The following CDKL5 variants were observed in gnomAD, a reference collection of about 807,000 sequenced individuals.
CDKL5 encodes the protein cyclin dependent kinase like 5, also known as cyclin-dependent kinase-like 5.
In CDKL5, 8 loss-of-function variants were observed where a neutral mutation model predicts 61.7. That is an observed-to-expected ratio of 0.13 (90% confidence interval 0.08 to 0.23). CDKL5 has a LOEUF of 0.23. CDKL5 is among the 10% of genes least tolerant of loss of function. CDKL5 has a pLI of 1.00. For missense variants in CDKL5, 440 were observed against 734.5 expected (o/e 0.60, Z 4.63); for synonymous variants, 275 against 272.3 (o/e 1.01, Z -0.10).
At chrX:18,456,872 T>C (rs1177329535) in intron 1 of CDKL5, among the ~76,000 whole-genome samples, 1 of 111,361 alleles carries the variant, frequency 9.0e-6, no homozygotes, top group Non-Finnish European at 1.9e-5. Flanking sequence ...TTGCCCTTGG[T>C]GTAATGCGTT....
At chrX:18,599,573 C>A (rs1415928948) in intron 11 of CDKL5, among the ~76,000 whole-genome samples, 1 of 111,544 alleles carries the variant, frequency 9.0e-6, no homozygotes, top group Non-Finnish European at 1.9e-5. Context: ...CCCACCTCAT[C>A]CTCCTGAGTA....
rs1180209719 is a variant in CDKL5, at chrX:18,635,997, C to T, written c.*7240C>T. On this transcript the variant is annotated 3_prime_UTR_variant, in exon 18 of 18. Transcript: ENST00000623535. ...AGAAACAGGCCATAGTTTACTAACCCGTTTTAGGCCCTCAGTTTCATCATT... is the reference window on the plus strand; with the variant it reads ...AGAAACAGGCCATAGTTTACTAACCTGTTTTAGGCCCTCAGTTTCATCATT... 8.9e-6 allele frequency: 1 copy of T among 111,911 alleles called. No homozygotes were observed. The highest frequency in any genetic ancestry group is 1.9e-5 in the Non-Finnish European group (1 of 53,200). 9.2% of individuals were successfully genotyped at this position (111,911 alleles called of 1,213,427 possible).
At chrX:18,447,165 T>TAG (rs1931899556) in intron 1 of CDKL5, among the ~76,000 whole-genome samples, 1 of 110,963 alleles carries the variant, frequency 9.0e-6, no homozygotes, top group Non-Finnish European at 1.9e-5. Context: ...ATCTAACGGG[T>TAG]AGAGGCGTGT....
At chrX:18,454,269 C>T (rs1245638534) in intron 1 of CDKL5, among the ~76,000 whole-genome samples, 1 of 109,512 alleles carries the variant, frequency 9.1e-6, no homozygotes, top group Non-Finnish European at 1.9e-5. Context: ...TGGAGTCTTG[C>T]TCTGTCGCCC....
intron 3 of CDKL5, among the ~76,000 whole-genome samples, chrX:18,513,070 A>T (rs900623069): frequency 1.8e-5 from 2 of 111,623 alleles, no homozygotes; most frequent in African/African-American, 6.5e-5. Flanking sequence ...CATATATCTG[A>T]TATATATTAC....
At chrX:18,601,507 T>C (rs761698672) in intron 11 of CDKL5, among the ~76,000 whole-genome samples, 1 of 112,616 alleles carries the variant, frequency 8.9e-6, no homozygotes, top group Non-Finnish European at 1.9e-5. Context: ...TATGGAATTT[T>C]CAAAGCTGTT....
chrX:18,653,502 G>A lies in CDKL5; in HGVS notation c.3051G>A (p.Ala1017=), dbSNP rs910286513. 10 of 1,210,088 alleles carry A rather than the reference G, an allele frequency of 8.3e-6. No individual in the cohort carries two copies. Among genetic ancestry groups the A allele is most frequent in the South Asian group, 3.5e-5 (2 of 56,845 alleles). Residue 1017 remains alanine, a synonymous_variant, in exon 22 of 22, where the codon GCG becomes GCA. Transcript: ENST00000379989. ...ACAGGGCCCAGGTAAACCAAGCTGC[G>A]CTCCTGACATACCATGAGAATGCGG...
chrX:18,633,098 C>T lies in CDKL5; in HGVS notation c.*4341C>T, dbSNP rs1268910775. ...GGGACTCAGTAAATCTGCACGTTCT[C>T]TGCTGGTCAGAACATGTTTCCTGGA... On this transcript the variant is annotated 3_prime_UTR_variant, in exon 18 of 18. Coordinates refer to ENST00000623535, the MANE Select transcript of CDKL5 (RefSeq NM_001323289.2). 2 of 754,258 alleles carry T rather than the reference C, an allele frequency of 2.7e-6. No individual in the cohort carries two copies. Among genetic ancestry groups the T allele is most frequent in the Non-Finnish European group, 3.1e-6 (2 of 639,418 alleles). 62.2% of individuals were successfully genotyped at this position (754,258 alleles called of 1,213,427 possible). A position where few individuals can be genotyped will look rare whatever the true frequency, so the allele number is the denominator to read the frequency against.
Position 18,508,247 on chromosome X carries a change from A to G in CDKL5, c.64+1087A>G, listed in dbSNP as rs181572492. 2.3e-4 allele frequency among the ~76,000 whole-genome samples: 26 copies of G among 112,725 alleles called. 1 individual carries two copies. In the East Asian group the frequency reaches 7.2e-3, roughly 31 times the overall value. On this transcript the variant is annotated intron_variant, in intron 2 of 17. Transcript: ENST00000623535. Reference sequence around the variant, plus strand: ...CCTAAAGGACTAAAAAAGTTCACCTATGTGAACAGCAAAGCTGTTATTAAG... The same window carrying G: ...CCTAAAGGACTAAAAAAGTTCACCTGTGTGAACAGCAAAGCTGTTATTAAG...
In CDKL5 at chrX:18,647,304, G is replaced by A. The variant is rs764292483; in HGVS notation, c.2797+1214G>A. 4.1e-6 allele frequency: 5 copies of A among 1,208,869 alleles called. No individual in the cohort carries two copies. Among genetic ancestry groups the A allele is most frequent in the East Asian group, 3.0e-5 (1 of 33,764 alleles). Reference sequence around the variant, plus strand: ...GGTCCGGTGTGACCTCCCCTGACTCGAAACCCAGAGGCTTGTGATATGGGC... The same window carrying A: ...GGTCCGGTGTGACCTCCCCTGACTCAAAACCCAGAGGCTTGTGATATGGGC... On this transcript the variant is annotated intron_variant, in intron 20 of 21. Coordinates refer to the CDKL5 transcript ENST00000379989.
intron 13 of CDKL5, 133 bp downstream of exon 13, chrX:18,609,045 A>G (rs1412413150): frequency 3.9e-6 from 2 of 517,197 alleles, no homozygotes; most frequent in East Asian, 3.6e-5. Flanking sequence ...TCCTTGTGGC[A>G]TAATTCTGAG....
chrX:18,441,658 AC>A (rs1481078602), intron 1 of CDKL5, among the ~76,000 whole-genome samples: 1 of 110,962 alleles, frequency 9.0e-6, no homozygotes, highest in African/African-American at 3.3e-5. Context: ...AACCTAGTGT[AC>A]CCCAGTTTTC....
chrX:18,564,845 A>T (rs1388007996), intron 4 of CDKL5, among the ~76,000 whole-genome samples: 1 of 111,501 alleles, frequency 9.0e-6, no homozygotes, highest in East Asian at 2.8e-4. Context: ...GTTTCTAAAT[A>T]TTATTAAAAT....
intron 3 of CDKL5, among the ~76,000 whole-genome samples, chrX:18,554,049 T>G (rs1401594621): frequency 9.3e-6 from 1 of 107,598 alleles, no homozygotes; most frequent in Admixed American, 9.9e-5. Context: ...TTTTGCCAGG[T>G]ATTTATATAT....
chrX:18,481,328 C>CTTTCTTTCTT (rs746318840), intron 1 of CDKL5, among the ~76,000 whole-genome samples: 1 of 35,243 alleles, frequency 2.8e-5, no homozygotes, highest in African/African-American at 8.1e-5. Context: ...TGGTTTCTTT[C>CTTTCTTTCTT]TTTCTTTCTT....
intron 3 of CDKL5, among the ~76,000 whole-genome samples, chrX:18,559,203 T>G (rs924907879): frequency 4.5e-5 from 5 of 111,524 alleles, no homozygotes; most frequent in East Asian, 2.8e-4. Flanking sequence ...TGAGGTTTTT[T>G]GTTTTGTTTT....
downstream of CDKL5, among the ~76,000 whole-genome samples, chrX:18,645,041 G>A (rs1251228868): frequency 8.9e-6 from 1 of 112,168 alleles, no homozygotes; most frequent in African/African-American, 3.2e-5. Flanking sequence ...ACCTATTTGT[G>A]TTTCCCTCGG....
chrX:18,489,992 G>A (rs1346193866), intron 1 of CDKL5, among the ~76,000 whole-genome samples: 1 of 111,113 alleles, frequency 9.0e-6, no homozygotes, highest in Non-Finnish European at 1.9e-5. Flanking sequence ...CACAGTTCGT[G>A]GTCTTCATAT....
At chrX:18,593,154 CATTGGATTGT>C (rs1459683273) in intron 9 of CDKL5, among the ~76,000 whole-genome samples, 1 of 111,947 alleles carries the variant, frequency 8.9e-6, no homozygotes. Flanking sequence ...GAGGCATTCT[CATTGGATTGT>C]ATTGGATTGG....
Sources: gnomAD v4.1 joint callset for allele counts (sites outside exome capture counted in the v4.1 genomes callset) on GRCh38, gnomAD v4.1.1 for gene constraint, MANE v1.5 for transcripts, NCBI Gene and HGNC (gene_info 2026-07-23, HGNC 2026-07-21) for gene names.